Variants in GMDS observed in about 807,000 individuals in gnomAD.
GMDS encodes GDP-mannose 4,6 dehydratase.
In GMDS, 20 loss-of-function variants were observed where a neutral mutation model predicts 49.9. The observed-to-expected ratio is 0.40, with a 90% CI of 0.28 to 0.58. The LOEUF is 0.58. GMDS is among the 20% of genes least tolerant of loss of function. GMDS has a pLI of 0.42. For missense variants in GMDS, 362 were observed against 481.4 expected (o/e 0.75, Z 2.32); for synonymous variants, 177 against 178.6 (o/e 0.99, Z 0.07).
At chr6:1,703,531 C>T (rs1006964788) in intron 9 of GMDS, among the ~76,000 whole-genome samples, 2 of 152,116 alleles carry the variant, frequency 1.3e-5, no homozygotes, top group Non-Finnish European at 2.9e-5. Context: ...GGTGGAAGTC[C>T]ATTCAAAGCT....
chr6:2,117,931 G>A (rs1266423835), intron 2 of GMDS, among the ~76,000 whole-genome samples: 1 of 152,136 alleles, frequency 6.6e-6, no homozygotes, highest in Non-Finnish European at 1.5e-5. Context: ...AACAGCCTTT[G>A]TGGCCTGCTC....
In GMDS at chr6:1,833,542, C is replaced by G. The variant is rs1756778264; in HGVS notation, c.772-90956G>C. 6.6e-6 allele frequency among the ~76,000 whole-genome samples: 1 copy of G among 151,974 alleles called. No individual in the cohort carries two copies. The highest frequency in any genetic ancestry group is 2.4e-5 in the African/African-American group (1 of 41,356). Reference sequence around the variant, plus strand: ...GCCTTTTCTTCCTTTCCCTTCTCCTCCCCTTCCTGAGGGAACATAACACAA... The same window carrying G: ...GCCTTTTCTTCCTTTCCCTTCTCCTGCCCTTCCTGAGGGAACATAACACAA... On this transcript the variant is annotated intron_variant, in intron 7 of 10. Coordinates refer to ENST00000380815, the MANE Select transcript of GMDS (RefSeq NM_001500.4). The surrounding 1 kb of genome is among the most constrained non-coding windows in gnomAD (Gnocchi z 4.4).
chr6:2,119,277 A>T (rs913236144), intron 2 of GMDS, among the ~76,000 whole-genome samples: 6 of 152,214 alleles, frequency 3.9e-5, no homozygotes, highest in African/African-American at 1.4e-4. Context: ...AAAAATATTA[A>T]ATGATTTTGA....
intron 9 of GMDS, among the ~76,000 whole-genome samples, chr6:1,665,609 G>A (rs1764211731): frequency 6.6e-6 from 1 of 152,154 alleles, no homozygotes; most frequent in East Asian, 1.9e-4. Context: ...GAAGGTGCAC[G>A]GGGCAGAAGG....
rs558831370 is a variant in GMDS at position 1,779,805 on chromosome 6, G to A, written c.772-37219C>T. Among the ~76,000 whole-genome samples the A allele has an allele frequency of 2.7e-3, 408 of 152,334 alleles. 1 individual carries two copies. Among genetic ancestry groups the A allele is most frequent in the Non-Finnish European group, 4.6e-3 (316 of 68,038 alleles). ...TTGAAGGCCACAGACGTAACTGAGC[G>A]AAGTGTCTGTGTTTCGAGTGCACAG... On this transcript the variant is annotated intron_variant, in intron 7 of 10. Coordinates refer to ENST00000380815, the MANE Select transcript of GMDS (RefSeq NM_001500.4).
intron 7 of GMDS, among the ~76,000 whole-genome samples, chr6:1,877,622 A>T (rs766474218): frequency 2.8e-5 from 4 of 143,010 alleles, no homozygotes; most frequent in Non-Finnish European, 4.5e-5. Context: ...TGGATGACAG[A>T]GTGAGACCCC....
intron 1 of GMDS, among the ~76,000 whole-genome samples, chr6:2,180,405 C>G (rs918993481): frequency 2.0e-5 from 3 of 152,136 alleles, no homozygotes; most frequent in Admixed American, 6.5e-5. Context: ...CCAAGTTTGA[C>G]AATAAATTTT....
intron 7 of GMDS, among the ~76,000 whole-genome samples, chr6:1,779,810 G>A (rs1769006634): frequency 6.6e-6 from 1 of 152,234 alleles, no homozygotes; most frequent in African/African-American, 2.4e-5. Flanking sequence ...TGAGCGAAGT[G>A]TCTGTGTTTC....
chr6:1,952,131 T>C, intron 6 of GMDS: 1 of 286,400 alleles, frequency 3.5e-6, no homozygotes, highest in Non-Finnish European at 5.2e-6. Context: ...TCCTCATTGC[T>C]GAAAAAAGGG....
chr6:1,710,486 G>A (rs1031730971), intron 9 of GMDS, among the ~76,000 whole-genome samples: 3 of 152,202 alleles, frequency 2.0e-5, no homozygotes, highest in African/African-American at 4.8e-5. Flanking sequence ...AGACCTGATG[G>A]AGCTTCCGCC....
Position 1,997,907 on chromosome 6 carries a change from G to C in GMDS, c.346-36941C>G, listed in dbSNP as rs143333217. On this transcript the variant is annotated intron_variant, in intron 4 of 10. Coordinates refer to ENST00000380815, the MANE Select transcript of GMDS (RefSeq NM_001500.4). Reference sequence around the variant, plus strand: ...GATAGGAGCCAAGCTGAGTAGGCAGGGGAAACGGCCTTTCCTCTGTATCTT... The same window carrying C: ...GATAGGAGCCAAGCTGAGTAGGCAGCGGAAACGGCCTTTCCTCTGTATCTT... Among the ~76,000 whole-genome samples the C allele has an allele frequency of 9.3e-4, 142 of 152,272 alleles. No individual in the cohort carries two copies. In the East Asian group the frequency reaches 0.025, roughly 26 times the overall value.
At chr6:2,230,561 A>G (rs1480935267) in intron 1 of GMDS, among the ~76,000 whole-genome samples, 1 of 152,220 alleles carries the variant, frequency 6.6e-6, no homozygotes, top group Admixed American at 6.5e-5. Flanking sequence ...AATAGTATAA[A>G]CTTTTGGTAA....
chr6:2,131,718 T>TG (rs1045635618), intron 1 of GMDS, among the ~76,000 whole-genome samples: 35 of 152,088 alleles, frequency 2.3e-4, no homozygotes, highest in African/African-American at 8.2e-4. Flanking sequence ...ACATAATATA[T>TG]AGATACAGCA....
At chr6:1,929,079 G>A (rs1365781570) in intron 7 of GMDS, among the ~76,000 whole-genome samples, 3 of 152,158 alleles carry the variant, frequency 2.0e-5, no homozygotes, top group African/African-American at 7.2e-5. Flanking sequence ...AGTATTAGCT[G>A]TTCAAACACA....
At chr6:2,240,402 T>C (rs1781558385) in intron 1 of GMDS, among the ~76,000 whole-genome samples, 1 of 152,158 alleles carries the variant, frequency 6.6e-6, no homozygotes, top group Admixed American at 6.5e-5. Context: ...GAATTATTCT[T>C]CCAACCTGGC....
intron 7 of GMDS, among the ~76,000 whole-genome samples, chr6:1,813,128 G>A (rs991673743): frequency 1.3e-4 from 20 of 151,080 alleles, no homozygotes; most frequent in South Asian, 4.2e-4. Flanking sequence ...AGGCTGAGGC[G>A]GGAAGATGAC....
chr6:1,926,579 C>T (rs1055029141), intron 7 of GMDS, among the ~76,000 whole-genome samples: 1 of 152,210 alleles, frequency 6.6e-6, no homozygotes, highest in Non-Finnish European at 1.5e-5. Flanking sequence ...ATTTCAGTGT[C>T]AGGGTGCATG....
chr6:1,660,641 C>A (rs1258725254), intron 9 of GMDS, among the ~76,000 whole-genome samples: 1 of 150,494 alleles, frequency 6.6e-6, no homozygotes, highest in Non-Finnish European at 1.5e-5. Flanking sequence ...ATGAAAGCTG[C>A]GAGACGCGGG....
chr6:2,035,863 T>G (rs891283126), intron 4 of GMDS, among the ~76,000 whole-genome samples: 2 of 152,016 alleles, frequency 1.3e-5, no homozygotes, highest in African/African-American at 4.8e-5. Context: ...ATTTTTATAT[T>G]TTTAGTAAAA....
Sources: allele counts gnomAD v4.1 joint callset (sites outside exome capture counted in the v4.1 genomes callset), GRCh38; gene constraint gnomAD v4.1.1; non-coding constraint Gnocchi (gnomAD v3.1); transcripts MANE v1.5; gene names NCBI Gene and HGNC (gene_info 2026-07-23, HGNC 2026-07-21).